HMGA2: variants seen among roughly 807,000 people sequenced by gnomAD.
HMGA2 encodes high mobility group protein HMGI-C.
Under a neutral mutation model 19.1 loss-of-function variants are expected in HMGA2, and 8 were observed. The ratio of observed to expected loss-of-function variants is 0.42; its 90% CI spans 0.25 to 0.76. The LOEUF (loss-of-function observed/expected upper bound fraction) is 0.76. Among genes scored for constraint, HMGA2 ranks in the 30% least tolerant of loss-of-function variants. The pLI, the probability that HMGA2 is intolerant of heterozygous loss-of-function variation, is 0.28. For missense variants in HMGA2, 109 were observed against 136.3 expected (o/e 0.80, Z 1.00); for synonymous variants, 60 against 48.8 (o/e 1.23, Z -0.96).
intron 3 of HMGA2, among the ~76,000 whole-genome samples, chr12:65,919,376 C>T (rs1875221743): frequency 6.6e-6 from 1 of 152,042 alleles, no homozygotes; most frequent in African/African-American, 2.4e-5. Flanking sequence ...AAAATATCTA[C>T]TTTAAAAAAA....
In HMGA2 at chr12:65,828,015, G is replaced by A. The variant is rs370204350; in HGVS notation, c.126G>A (p.Glu42=). The change falls in exon 2 of 5, where the codon GAG becomes GAA. Residue 42 remains glutamate (E), a synonymous_variant. Transcript: ENST00000403681. ...PRKQQQEPTG[E]PSPKRPRGRP... ...CTCACAATTAGGAACCAACCGGTGAGCCCTCTCCTAAGAGACCCAGGGGAA... is the reference window on the plus strand; with the variant it reads ...CTCACAATTAGGAACCAACCGGTGAACCCTCTCCTAAGAGACCCAGGGGAA... The A allele has an allele frequency of 6.2e-7, 1 of 1,613,076 alleles. No homozygotes were observed. The highest frequency in any genetic ancestry group is 1.1e-5 in the South Asian group (1 of 91,056).
intron 4 of HMGA2, among the ~76,000 whole-genome samples, chr12:65,960,067 T>C (rs1463500216): frequency 6.6e-6 from 1 of 152,004 alleles, no homozygotes; most frequent in African/African-American, 2.4e-5. Flanking sequence ...TTTTTTGTAT[T>C]TTTAGTAGAG....
chr12:65,843,711 C>T (rs1871109448), intron 3 of HMGA2, among the ~76,000 whole-genome samples: 1 of 152,038 alleles, frequency 6.6e-6, no homozygotes, highest in South Asian at 2.1e-4. Context: ...CACACACACA[C>T]ACACAAAACA....
intron 3 of HMGA2, among the ~76,000 whole-genome samples, chr12:65,845,474 G>T (rs1056742975): frequency 6.6e-6 from 1 of 152,024 alleles, no homozygotes; most frequent in Non-Finnish European, 1.5e-5. Context: ...TCGCCATGTT[G>T]GCCAGGCTGG....
chr12:65,922,909 T>G (rs761799964), intron 3 of HMGA2, among the ~76,000 whole-genome samples: 10 of 152,160 alleles, frequency 6.6e-5, no homozygotes, highest in Admixed American at 2.6e-4. Context: ...CTCTTCCTCA[T>G]TTTCTCTTGC....
intron 3 of HMGA2, among the ~76,000 whole-genome samples, chr12:65,853,040 C>G (rs1005804017): frequency 6.6e-6 from 1 of 152,110 alleles, no homozygotes; most frequent in African/African-American, 2.4e-5. Flanking sequence ...TTGCAGTGAT[C>G]CCAGGCAGGA....
chr12:65,828,176 C>G, intron 2 of HMGA2, 89 bp downstream of exon 2: 1 of 958,274 alleles, frequency 1.0e-6, no homozygotes, highest in Non-Finnish European at 1.7e-6. Flanking sequence ...ACTCCGCAGC[C>G]AGGAATTTGT....
intron 3 of HMGA2, among the ~76,000 whole-genome samples, chr12:65,948,179 A>G (rs1876332452): frequency 6.6e-6 from 1 of 152,208 alleles, no homozygotes; most frequent in Non-Finnish European, 1.5e-5. Flanking sequence ...AAAGGGGCAG[A>G]TGTTAAAAAT....
intron 3 of HMGA2, among the ~76,000 whole-genome samples, chr12:65,893,120 C>A (rs1371451642): frequency 1.3e-5 from 2 of 152,176 alleles, no homozygotes; most frequent in African/African-American, 4.8e-5. Flanking sequence ...ACTGACTCAG[C>A]CCCCATTTCC....
intron 3 of HMGA2, among the ~76,000 whole-genome samples, chr12:65,931,441 T>C (rs1376073631): frequency 1.3e-5 from 2 of 152,148 alleles, no homozygotes; most frequent in Admixed American, 6.5e-5. Context: ...CAATCAAATG[T>C]TGAAAGACTT....
chr12:65,888,581 T>TTTTTTG (rs1873764908), intron 3 of HMGA2, among the ~76,000 whole-genome samples: 1 of 82,668 alleles, frequency 1.2e-5, no homozygotes, highest in African/African-American at 4.2e-5. Flanking sequence ...TTTTTTTTTT[T>TTTTTTG]GAGACAGAGT....
chr12:65,847,179 A>C (rs1871266832), intron 3 of HMGA2, among the ~76,000 whole-genome samples: 1 of 152,168 alleles, frequency 6.6e-6, no homozygotes, highest in Non-Finnish European at 1.5e-5. Context: ...CTTCACAGCA[A>C]ATATATAAGC....
In HMGA2 at chr12:65,825,427, C is replaced by A; in HGVS notation, c.111+46C>A. On this transcript the variant is annotated intron_variant, in intron 1 of 4. Transcript: ENST00000403681. The surrounding 1 kb of genome is among the most constrained non-coding windows in gnomAD (Gnocchi z 4.4). Reference sequence around the variant, plus strand: ...GGGGCACCAGCCCACCCCGTCCCCACTGCCGGGGCCCAGACACGCGCGGGG... The same window carrying A: ...GGGGCACCAGCCCACCCCGTCCCCAATGCCGGGGCCCAGACACGCGCGGGG... 2.2e-6 allele frequency: 3 copies of A among 1,370,654 alleles called. No individual in the cohort carries two copies. The highest frequency in any genetic ancestry group is 2.9e-6 in the Non-Finnish European group (3 of 1,024,992). 84.9% of individuals were successfully genotyped at this position (1,370,654 alleles called of 1,614,324 possible).
At chr12:65,935,128 G>A (rs1030276224) in intron 3 of HMGA2, 7 of 152,200 alleles carry the variant, frequency 4.6e-5, no homozygotes, top group African/African-American at 1.2e-4. Flanking sequence ...TAGTTGTTGC[G>A]TCTGTTGGGG....
chr12:65,963,795 T>C lies in HMGA2; in HGVS notation c.*503T>C, dbSNP rs1366682785. The C allele has an allele frequency of 4.2e-6, 1 of 236,192 alleles. No homozygotes were observed. The highest frequency in any genetic ancestry group is 5.6e-5 in the Admixed American group (1 of 17,844). The allele number at this position is 236,192 out of a possible 1,614,324, so 14.6% of individuals were successfully genotyped here. On this transcript the variant is annotated 3_prime_UTR_variant, in exon 5 of 5. Transcript: ENST00000403681. ...CACTCCCTGTAGTGAATCCTCTGTT[T>C]AGAACACCAAAGATAAGGACTAGAT...
intron 3 of HMGA2, among the ~76,000 whole-genome samples, chr12:65,882,820 T>TCAAAAATAC (rs1410646964): frequency 2.0e-5 from 3 of 152,228 alleles, no homozygotes; most frequent in African/African-American, 7.2e-5. Flanking sequence ...AGGGAGTTGT[T>TCAAAAATAC]CAAAAATACC....
chr12:65,862,822 A>AAATGTG (rs1396942889), intron 3 of HMGA2, among the ~76,000 whole-genome samples: 1 of 152,218 alleles, frequency 6.6e-6, no homozygotes, highest in East Asian at 1.9e-4. Flanking sequence ...GTGGAAAATG[A>AAATGTG]AATGTGATAT....
chr12:65,829,796 T>C lies in HMGA2; in HGVS notation c.198+1709T>C, dbSNP rs149873364. On this transcript the variant is annotated intron_variant, in intron 2 of 4. Coordinates refer to ENST00000403681, the MANE Select transcript of HMGA2 (RefSeq NM_003483.6). ...AAAGCTTACCACTGACTAACAAAAT[T>C]TGTATTGAGAAAAGGGAAGCTGAAG... is the stretch of plus-strand genomic sequence containing the variant. 1.9e-3 allele frequency among the ~76,000 whole-genome samples: 288 copies of C among 152,058 alleles called. 1 individual carries two copies. Among genetic ancestry groups the C allele is most frequent in the African/African-American group, 6.3e-3 (260 of 41,524 alleles).
intron 3 of HMGA2, among the ~76,000 whole-genome samples, chr12:65,869,063 A>G (rs1378754847): frequency 6.6e-6 from 1 of 152,148 alleles, no homozygotes; most frequent in Non-Finnish European, 1.5e-5. Context: ...TGAGGCAGAA[A>G]CCCCTTTGCA....
Sources: allele counts gnomAD v4.1 joint callset (sites outside exome capture counted in the v4.1 genomes callset), GRCh38; gene constraint gnomAD v4.1.1; non-coding constraint Gnocchi (gnomAD v3.1); transcripts MANE v1.5; gene names NCBI Gene and HGNC (gene_info 2026-07-23, HGNC 2026-07-21).